The following PLEKHA7 variants were observed in gnomAD, a reference collection of about 807,000 sequenced individuals.
PLEKHA7 encodes pleckstrin homology domain containing A7.
In PLEKHA7, 104 loss-of-function variants were observed where a neutral mutation model predicts 170.0. The observed-to-expected ratio is 0.61, with a 90% CI of 0.52 to 0.72. The LOEUF is 0.72. PLEKHA7 is among the 30% of genes least tolerant of loss of function. PLEKHA7 has a pLI of 0.00. For synonymous variants in PLEKHA7, 648 were observed against 660.8 expected, an observed-to-expected ratio of 0.98 and a Z score of 0.30; for missense variants, 1,615 against 1,671.7, an observed-to-expected ratio of 0.97 and a Z score of 0.59.
At chr11:17,000,257 T>C (rs555749154) in intron 3 of PLEKHA7, among the ~76,000 whole-genome samples, 2 of 152,154 alleles carry the variant, frequency 1.3e-5, no homozygotes, top group South Asian at 4.1e-4. Flanking sequence ...ACTAATTTTT[T>C]TTGTTTTTGT....
rs766869320 is a variant in PLEKHA7, at chr11:16,791,129, G to A, written c.2816C>T (p.Pro939Leu). 4.2e-5 allele frequency: 67 copies of A among 1,613,888 alleles called. No individual in the cohort carries two copies. The highest frequency in any genetic ancestry group is 1.5e-4 in the Admixed American group (9 of 59,976). The change falls in exon 20 of 27, where the codon CCG becomes CTG. Residue 939 changes from proline (P) to leucine (L), a missense_variant. Transcript: ENST00000531066. This position sits in a 1 kb window ranked among gnomAD's most constrained non-coding sequence, Gnocchi z 4.5. ...GATGGTGGCCTCTCTTGGCAGAGGC[G>A]GCACAGCCGGGGGCTGGTCCTCTGG... ...YSPEDQPPAV[P>L]PLPREATIIR... is the part of the protein sequence containing the mutation.
rs139811011 is a variant in PLEKHA7, at chr11:16,996,253, C to T, written c.221+17736G>A. Among the ~76,000 whole-genome samples, 276 of 152,320 alleles carry T rather than the reference C, an allele frequency of 1.8e-3. 1 individual carries two copies. The highest frequency in any genetic ancestry group is 6.4e-3 in the African/African-American group (264 of 41,568). ...AGAGTTCCATAGCCATGAAGTCTGG[C>T]TCCAAGCCTGTGTGCTCACCCATGA... On this transcript the variant is annotated intron_variant, in intron 3 of 26. Coordinates refer to ENST00000531066, the MANE Select transcript of PLEKHA7 (RefSeq NM_001329630.2).
chr11:16,826,349 C>A lies in PLEKHA7; in HGVS notation c.1114G>T (p.Ala372Ser). The A allele has an allele frequency of 6.2e-7, 1 of 1,614,266 alleles. No homozygotes were observed. The highest frequency in any genetic ancestry group is 8.5e-7 in the Non-Finnish European group (1 of 1,180,054). Residue 372 changes from alanine to serine, a missense_variant, in exon 10 of 27, where the codon GCC becomes TCC. By Grantham distance (99) the Ala-to-Ser change is moderately conservative (BLOSUM62 1). Transcript: ENST00000531066. ...RSPYSPAEED[A>S]LFMDLPTGPR... ...CCAGTGGGTAAATCCATAAACAAGG[C>A]ATCCTCCTCGGCTGGCGAGTACGGA...
chr11:16,813,899 C>T (rs531691301), intron 12 of PLEKHA7, among the ~76,000 whole-genome samples: 105 of 152,318 alleles, frequency 6.9e-4, no homozygotes, highest in Non-Finnish European at 1.3e-3. Flanking sequence ...AAAACTCATG[C>T]TTTCCCGTGT....
At chr11:16,801,159 G>A in intron 16 of PLEKHA7, 84 bp from the exon 17 acceptor site, 1 of 1,169,454 alleles carries the variant, frequency 8.6e-7, no homozygotes, top group Non-Finnish European at 1.3e-6. Flanking sequence ...TCCTGACCAT[G>A]CTGACCCAGC....
intron 3 of PLEKHA7, among the ~76,000 whole-genome samples, chr11:16,916,693 C>T (rs1858711270): frequency 6.6e-6 from 1 of 152,200 alleles, no homozygotes. Flanking sequence ...ACAGAGACTG[C>T]ACCAATTTAG....
chr11:16,846,322 A>AAAGAG (rs975089126), intron 8 of PLEKHA7, among the ~76,000 whole-genome samples: 6 of 151,912 alleles, frequency 3.9e-5, no homozygotes, highest in African/African-American at 1.4e-4. Context: ...GAAAGGGAGA[A>AAAGAG]AAGAGAAGAG....
chr11:16,840,936 C>A (rs429368), intron 9 of PLEKHA7, among the ~76,000 whole-genome samples: 14,644 of 152,112 alleles, frequency 0.096, 819 homozygotes, highest in East Asian at 0.16. Context: ...AGTTTTGAGG[C>A]CTCATTGAAA....
intron 9 of PLEKHA7, among the ~76,000 whole-genome samples, 180 bp from the exon 10 acceptor site, chr11:16,826,770 A>G (rs1411423272): frequency 6.6e-6 from 1 of 152,076 alleles, no homozygotes; most frequent in Non-Finnish European, 1.5e-5. Context: ...CTGGCTTAAC[A>G]CCACCTCCTC....
At chr11:16,814,903 A>T (rs528205592) in intron 12 of PLEKHA7, among the ~76,000 whole-genome samples, 5 of 152,202 alleles carry the variant, frequency 3.3e-5, no homozygotes, top group Non-Finnish European at 7.3e-5. Context: ...CCCTTTGAAC[A>T]TGACCATACA....
chr11:16,790,846 G>T lies in PLEKHA7; in HGVS notation c.3004C>A (p.Leu1002Ile). Residue 1002 changes from leucine to isoleucine, a missense_variant, in exon 21 of 27, where the codon CTA becomes ATA. Physicochemically the swap from Leu to Ile is conservative, Grantham distance 5. Transcript: ENST00000531066. ...TLSGDMAQPS[L>I]GLVGPESRYQ... is the part of the protein sequence containing the mutation. ...CTGCTCTCAGGGCCCACAAGTCCTA[G>T]GGAGGGCTGGGCCATGTCCCCGCTG... The T allele has an allele frequency of 6.2e-7, 1 of 1,610,132 alleles. No individual in the cohort carries two copies. Among genetic ancestry groups the T allele is most frequent in the Non-Finnish European group, 8.5e-7 (1 of 1,178,390 alleles).
intron 10 of PLEKHA7, among the ~76,000 whole-genome samples, chr11:16,822,714 T>C (rs1850333214): frequency 6.6e-6 from 1 of 152,120 alleles, no homozygotes; most frequent in South Asian, 2.1e-4. Context: ...TGTTCTGTTG[T>C]TGGCCCTCTG....
At chr11:16,944,824 G>A (rs1225914965) in intron 3 of PLEKHA7, among the ~76,000 whole-genome samples, 1 of 152,114 alleles carries the variant, frequency 6.6e-6, no homozygotes, top group African/African-American at 2.4e-5. Context: ...TATTTATTAA[G>A]CATTTACTAT....
At chr11:16,828,186 C>A (rs1473657666) in intron 9 of PLEKHA7, among the ~76,000 whole-genome samples, 1 of 152,142 alleles carries the variant, frequency 6.6e-6, no homozygotes, top group Non-Finnish European at 1.5e-5. Flanking sequence ...AACTGTAGTT[C>A]CCATAATCCC....
intron 4 of PLEKHA7, among the ~76,000 whole-genome samples, chr11:16,860,279 T>C (rs1253270273): frequency 6.6e-6 from 1 of 152,230 alleles, no homozygotes; most frequent in Non-Finnish European, 1.5e-5. Context: ...TAAATGCATA[T>C]AACTGACAGA....
chr11:16,778,689 C>T lies in PLEKHA7; in HGVS notation c.*309G>A. 1 of 446,796 alleles carries T rather than the reference C, an allele frequency of 2.2e-6. No individual in the cohort carries two copies. Among genetic ancestry groups the T allele is most frequent in the Admixed American group, 3.5e-5 (1 of 28,418 alleles). 27.7% of individuals were successfully genotyped at this position (446,796 alleles called of 1,614,324 possible). ...GTGCAGCTGCAAAGTCCTGCATCCTCAACCTTCCTGCCACTCAGCCCTTGA... is the reference window on the plus strand; with the variant it reads ...GTGCAGCTGCAAAGTCCTGCATCCTTAACCTTCCTGCCACTCAGCCCTTGA... On this transcript the variant is annotated 3_prime_UTR_variant, in exon 27 of 27. Transcript: ENST00000531066.
chr11:16,822,116 G>A lies in PLEKHA7; in HGVS notation c.1343+4004C>T, dbSNP rs571245256. Among the ~76,000 whole-genome samples the A allele has an allele frequency of 2.0e-5, 3 of 152,234 alleles. No individual in the cohort carries two copies. In the South Asian group the frequency reaches 6.2e-4, roughly 32 times the overall value. ...ACCCCACTCCCAACTCTCAAATTCA[G>A]GCCGTTGTGTGTAGCAGAATAACAT... On this transcript the variant is annotated intron_variant, in intron 10 of 26. Transcript: ENST00000531066.
intron 24 of PLEKHA7, among the ~76,000 whole-genome samples, chr11:16,784,427 G>A (rs1490162978): frequency 2.6e-5 from 4 of 152,180 alleles, no homozygotes; most frequent in East Asian, 1.9e-4. Flanking sequence ...ATTGACAGGT[G>A]GGTGAATGAA....
At chr11:16,949,018 C>G (rs1861235669) in intron 3 of PLEKHA7, among the ~76,000 whole-genome samples, 2 of 152,184 alleles carry the variant, frequency 1.3e-5, no homozygotes, top group Non-Finnish European at 2.9e-5. Flanking sequence ...TGCCTGTCCA[C>G]TCAGACAACC....
Sources: gnomAD v4.1 joint callset for allele counts (sites outside exome capture counted in the v4.1 genomes callset) on GRCh38, gnomAD v4.1.1 for gene constraint, Gnocchi (gnomAD v3.1) non-coding constraint, MANE v1.5 for transcripts, NCBI Gene and HGNC (gene_info 2026-07-23, HGNC 2026-07-21) for gene names.